CTNNA3: variants seen among roughly 807,000 people sequenced by gnomAD.
CTNNA3 encodes the protein catenin alpha 3.
A neutral mutation model predicts 95.7 loss-of-function variants in CTNNA3; 76 were observed. The observed-to-expected ratio is 0.79, with a 90% confidence interval of 0.66 to 0.96. The LOEUF (loss-of-function observed/expected upper bound fraction) is 0.96, where lower values mean the gene tolerates loss of function less well. Ranked by LOEUF, CTNNA3 falls within the 40% of genes least tolerant of loss-of-function variation. The pLI is 0.00. For synonymous variants in CTNNA3, 431 were observed against 374.4 expected (o/e 1.15, Z -1.74); for missense variants, 1,191 against 1,089.8 (o/e 1.09, Z -1.31).
intron 5 of CTNNA3, among the ~76,000 whole-genome samples, chr10:67,283,194 T>C (rs574937590): frequency 6.6e-6 from 1 of 152,298 alleles, no homozygotes; most frequent in Admixed American, 6.5e-5. Flanking sequence ...GGTCCACTGC[T>C]TCTTCACCAG....
intron 15 of CTNNA3, among the ~76,000 whole-genome samples, chr10:66,057,135 C>T (rs1195176212): frequency 6.6e-6 from 1 of 152,098 alleles, no homozygotes; most frequent in Non-Finnish European, 1.5e-5. Context: ...TTTCCTTTTC[C>T]CTGCCTGTTT....
At chr10:66,896,542 C>G (rs974386860) in intron 7 of CTNNA3, among the ~76,000 whole-genome samples, 1 of 152,184 alleles carries the variant, frequency 6.6e-6, no homozygotes, top group African/African-American at 2.4e-5. Context: ...ACATGGACTA[C>G]AGATCATTTC....
intron 7 of CTNNA3, among the ~76,000 whole-genome samples, chr10:66,875,271 G>A (rs775268313): frequency 2.8e-4 from 42 of 152,100 alleles, no homozygotes; most frequent in Non-Finnish European, 4.7e-4. Flanking sequence ...GAACATAGTG[G>A]TTACATAACT....
chr10:66,385,910 C>G (rs1187965988), intron 11 of CTNNA3, among the ~76,000 whole-genome samples: 1 of 152,158 alleles, frequency 6.6e-6, no homozygotes, highest in Non-Finnish European at 1.5e-5. Flanking sequence ...GCTAAAAACT[C>G]TCAATAAACT....
chr10:67,349,833 C>T (rs549007195), intron 5 of CTNNA3, among the ~76,000 whole-genome samples: 1 of 152,052 alleles, frequency 6.6e-6, no homozygotes. Context: ...AGCTCCCAGG[C>T]AAAGCAACTC....
At chr10:67,348,331 A>C (rs1445524697) in intron 5 of CTNNA3, among the ~76,000 whole-genome samples, 1 of 152,218 alleles carries the variant, frequency 6.6e-6, no homozygotes, top group Non-Finnish European at 1.5e-5. Flanking sequence ...TCTGCACAGC[A>C]AAGGAAACAA....
rs189407039 is a variant in CTNNA3 at position 67,019,180 on chromosome 10, T to G, written c.1047+161137A>C. The stretch of plus-strand genomic sequence containing the variant: ...TCATAAATATGGGTTACTTCACATT[T>G]GAAACCATTCTTGCCACTTTTCTTT... On this transcript the variant is annotated intron_variant, in intron 7 of 17. Coordinates refer to ENST00000433211, the MANE Select transcript of CTNNA3 (RefSeq NM_013266.4). Among the ~76,000 whole-genome samples the G allele has an allele frequency of 8.5e-5, 13 of 152,340 alleles. No individual in the cohort carries two copies. In the East Asian group the frequency reaches 2.5e-3, roughly 29 times the overall value.
At chr10:66,216,144 A>G (rs1182426588) in intron 13 of CTNNA3, among the ~76,000 whole-genome samples, 2 of 152,240 alleles carry the variant, frequency 1.3e-5, no homozygotes, top group Non-Finnish European at 2.9e-5. Context: ...TCCTGCCCTT[A>G]GGCCAAACAT....
At position 67,402,669 on chromosome 10, in the gene CTNNA3, C is replaced by A. The variant is rs1265933590; in HGVS notation, c.579+119173G>T. Among the ~76,000 whole-genome samples the A allele has an allele frequency of 2.0e-5, 3 of 152,192 alleles. No homozygotes were observed. The East Asian group carries it at 5.8e-4, about 29-fold the overall frequency. ...CCAAGGAAGTGGTAAGTGAATGTGC[C>A]ACCCTGGGAAACCACATTTCTCCCA... On this transcript the variant is annotated intron_variant, in intron 5 of 17. Coordinates refer to ENST00000433211, the MANE Select transcript of CTNNA3 (RefSeq NM_013266.4).
intron 12 of CTNNA3, among the ~76,000 whole-genome samples, chr10:66,318,276 ATGTGTGTGTG>A (rs138734509): frequency 7.3e-6 from 1 of 136,602 alleles, no homozygotes; most frequent in Non-Finnish European, 1.6e-5. Flanking sequence ...ATATATATAT[ATGTGTGTGTG>A]TGTGTGTGTG....
intron 11 of CTNNA3, among the ~76,000 whole-genome samples, chr10:66,502,602 G>C (rs1201826082): frequency 6.6e-6 from 1 of 151,822 alleles, no homozygotes; most frequent in Non-Finnish European, 1.5e-5. Context: ...ACATCCTACT[G>C]TCCATAAAAC....
chr10:67,301,695 A>G (rs11817823), intron 5 of CTNNA3, among the ~76,000 whole-genome samples: 38,298 of 152,056 alleles, frequency 0.25, 7,040 homozygotes, highest in African/African-American at 0.51. Context: ...CTGGCTGGGC[A>G]TGGTGGCTCA....
intron 6 of CTNNA3, among the ~76,000 whole-genome samples, chr10:67,203,178 C>T (rs1212101407): frequency 6.6e-6 from 1 of 152,028 alleles, no homozygotes; most frequent in African/African-American, 2.4e-5. Flanking sequence ...GTAATAATCC[C>T]CATGTGTCAA....
At chr10:67,034,293 C>A (rs1925629) in intron 7 of CTNNA3, among the ~76,000 whole-genome samples, 64,368 of 152,016 alleles carry the variant, frequency 0.42, 14,138 homozygotes, top group Middle Eastern at 0.62. Flanking sequence ...GCCAAGCAAT[C>A]ATTTATTCAG....
chr10:66,032,146 T>TA (rs1196691468), intron 15 of CTNNA3, among the ~76,000 whole-genome samples: 10 of 152,160 alleles, frequency 6.6e-5, no homozygotes, highest in South Asian at 2.1e-4. Context: ...AGGACATTTT[T>TA]AAAAAATATA....
intron 17 of CTNNA3, among the ~76,000 whole-genome samples, chr10:65,941,790 A>T (rs1670136): frequency 1.3e-5 from 2 of 152,002 alleles, no homozygotes; most frequent in Non-Finnish European, 2.9e-5. Flanking sequence ...CCTGTTGGAA[A>T]CTTAACCAAA....
intron 13 of CTNNA3, among the ~76,000 whole-genome samples, chr10:66,225,640 TG>T (rs902032903): frequency 2.6e-5 from 4 of 151,746 alleles, no homozygotes; most frequent in African/African-American, 9.6e-5. Flanking sequence ...TTTTAATTTT[TG>T]GAGGAAACAT....
intron 5 of CTNNA3, among the ~76,000 whole-genome samples, chr10:67,344,673 T>C (rs1842346579): frequency 6.6e-6 from 1 of 152,118 alleles, no homozygotes; most frequent in Non-Finnish European, 1.5e-5. Flanking sequence ...CCTTTGAATT[T>C]CTGTGGTATC....
At chr10:67,056,895 G>T (rs1855465487) in intron 7 of CTNNA3, among the ~76,000 whole-genome samples, 1 of 152,166 alleles carries the variant, frequency 6.6e-6, no homozygotes, top group South Asian at 2.1e-4. Context: ...AGAGAGCAAG[G>T]ATTATGTGGT....
Sources: allele counts gnomAD v4.1 joint callset (sites outside exome capture counted in the v4.1 genomes callset), GRCh38; gene constraint gnomAD v4.1.1; transcripts MANE v1.5; gene names NCBI Gene and HGNC (gene_info 2026-07-23, HGNC 2026-07-21).